Variants in ARL15 observed in about 807,000 individuals in gnomAD.
ARL15 encodes the protein ARF like GTPase 15, also known as ADP-ribosylation factor-like protein 15.
Under a neutral mutation model 25.2 loss-of-function variants are expected in ARL15, and 19 were observed. That is an observed-to-expected ratio of 0.75 (90% CI 0.53 to 1.10). The LOEUF (loss-of-function observed/expected upper bound fraction) is 1.10. ARL15 is among the 50% of genes least tolerant of loss of function. ARL15 has a pLI of 0.00. For synonymous variants in ARL15, 94 were observed against 86.8 expected (o/e 1.08, Z -0.46); for missense variants, 220 against 246.0 (o/e 0.89, Z 0.71).
At chr5:54,211,899 C>G (rs1161578025) in intron 1 of ARL15, among the ~76,000 whole-genome samples, 2 of 152,158 alleles carry the variant, frequency 1.3e-5, no homozygotes, top group African/African-American at 4.8e-5. Context: ...AGCACACCTA[C>G]TTAACCAGAA....
intron 4 of ARL15, among the ~76,000 whole-genome samples, chr5:53,891,671 C>A (rs1182559987): frequency 6.6e-6 from 1 of 152,212 alleles, no homozygotes; most frequent in Non-Finnish European, 1.5e-5. Context: ...TCACCCACTA[C>A]ACACAATGCC....
chr5:54,112,447 G>A (rs1212535662), intron 4 of ARL15, among the ~76,000 whole-genome samples: 1 of 152,132 alleles, frequency 6.6e-6, no homozygotes, highest in Non-Finnish European at 1.5e-5. Context: ...ATTTTCTGAA[G>A]GAGAGGGGAA....
intron 4 of ARL15, among the ~76,000 whole-genome samples, chr5:54,111,702 TAC>T (rs1752747351): frequency 1.3e-5 from 2 of 152,156 alleles, no homozygotes; most frequent in Non-Finnish European, 1.5e-5. Context: ...ATATATTACA[TAC>T]ACACATTATA....
chr5:54,144,205 T>G (rs1169311143), intron 3 of ARL15, among the ~76,000 whole-genome samples: 1 of 151,876 alleles, frequency 6.6e-6, no homozygotes, highest in East Asian at 1.9e-4. Flanking sequence ...ATCTAAATAT[T>G]TTTTTTTCAT....
Position 54,310,463 on chromosome 5 carries a change from A to G in ARL15, c.17T>C (p.Ile6Thr). Residue 6 changes from isoleucine to threonine, a missense_variant, in exon 1 of 5, where the codon ATA (isoleucine) becomes ACA (threonine). Coordinates refer to ENST00000504924, the MANE Select transcript of ARL15 (RefSeq NM_019087.3). ...ATCCATGTACAGAAACGCCTCAGTT[A>G]TTCGGAGATCAGACATCCGGCAGCC... MSDLRITEAFLYMDYL... is the reference protein window; with the variant it reads MSDLRTTEAFLYMDYL... 1 of 1,609,480 alleles carries G rather than the reference A, an allele frequency of 6.2e-7. No homozygotes were observed. Among genetic ancestry groups the G allele is most frequent in the South Asian group, 1.1e-5 (1 of 89,814 alleles).
At chr5:54,301,238 G>A (rs571735440) in intron 1 of ARL15, among the ~76,000 whole-genome samples, 1 of 152,164 alleles carries the variant, frequency 6.6e-6, no homozygotes, top group African/African-American at 2.4e-5. Flanking sequence ...GCAGACTAAT[G>A]TCTTATTCAC....
intron 4 of ARL15, among the ~76,000 whole-genome samples, chr5:53,911,106 C>T (rs1434651485): frequency 2.0e-5 from 3 of 152,102 alleles, no homozygotes; most frequent in Non-Finnish European, 4.4e-5. Context: ...CACCAATATT[C>T]GATCATTCTT....
intron 1 of ARL15, among the ~76,000 whole-genome samples, chr5:54,252,525 C>A (rs1246918981): frequency 6.6e-6 from 1 of 152,152 alleles, no homozygotes; most frequent in Non-Finnish European, 1.5e-5. Flanking sequence ...GACAAGATTT[C>A]TCTCACCAGT....
At chr5:53,964,611 T>C (rs950749426) in intron 4 of ARL15, among the ~76,000 whole-genome samples, 7 of 152,128 alleles carry the variant, frequency 4.6e-5, no homozygotes, top group Non-Finnish European at 8.8e-5. Flanking sequence ...CCGCCCACCT[T>C]GGCCTCCCAA....
chr5:54,116,340 C>T (rs147127268), intron 3 of ARL15, among the ~76,000 whole-genome samples: 124 of 152,228 alleles, frequency 8.1e-4, no homozygotes, highest in African/African-American at 2.9e-3. Context: ...AGGATACCAA[C>T]AGCATCTGCT....
intron 1 of ARL15, among the ~76,000 whole-genome samples, chr5:54,221,230 A>G (rs1472881187): frequency 1.3e-5 from 2 of 152,204 alleles, no homozygotes; most frequent in Non-Finnish European, 1.5e-5. Flanking sequence ...TACATTTCAC[A>G]CAGGTCAGAA....
chr5:54,157,421 A>AT (rs936019833), intron 2 of ARL15, among the ~76,000 whole-genome samples: 9 of 151,714 alleles, frequency 5.9e-5, no homozygotes, highest in African/African-American at 1.5e-4. Flanking sequence ...TTATTATTTT[A>AT]TTTTTTTTGA....
intron 4 of ARL15, among the ~76,000 whole-genome samples, chr5:53,977,354 CAAA>C (rs397884651): frequency 0.045 from 4,031 of 90,170 alleles, 65 homozygotes; most frequent in Non-Finnish European, 0.07. Context: ...GACTCCGCCT[CAAA>C]AAAAAAAAAA....
chr5:54,169,339 A>T (rs1754659231), intron 2 of ARL15, among the ~76,000 whole-genome samples: 1 of 152,204 alleles, frequency 6.6e-6, no homozygotes, highest in Non-Finnish European at 1.5e-5. Context: ...TTCATTGCAC[A>T]TTACTCAAAA....
chr5:53,936,078 A>G (rs1379466599), intron 4 of ARL15, among the ~76,000 whole-genome samples: 1 of 146,472 alleles, frequency 6.8e-6, no homozygotes, highest in Non-Finnish European at 1.5e-5. Context: ...TCAGAGAAGA[A>G]AAAGGAAAAA....
intron 4 of ARL15, among the ~76,000 whole-genome samples, chr5:53,998,189 T>C (rs1268810513): frequency 2.6e-5 from 4 of 151,974 alleles, no homozygotes; most frequent in Non-Finnish European, 5.9e-5. Context: ...AACCAGATTT[T>C]TGTGAGGGGG....
intron 4 of ARL15, among the ~76,000 whole-genome samples, chr5:53,920,075 C>T (rs1489140384): frequency 6.6e-6 from 1 of 152,114 alleles, no homozygotes; most frequent in Non-Finnish European, 1.5e-5. Flanking sequence ...AAATTTATAA[C>T]TACTTAATAG....
chr5:53,921,565 G>A (rs1013161559), intron 4 of ARL15, among the ~76,000 whole-genome samples: 5 of 152,184 alleles, frequency 3.3e-5, no homozygotes, highest in Admixed American at 3.3e-4. Context: ...TTGAGGTCAG[G>A]AGTTCAAGAC....
chr5:53,943,091 T>C (rs1420176963), intron 4 of ARL15, among the ~76,000 whole-genome samples: 4 of 152,018 alleles, frequency 2.6e-5, no homozygotes, highest in African/African-American at 9.7e-5. Context: ...AGAAACTTGC[T>C]GGAGGAGGGC....
Sources: allele counts gnomAD v4.1 joint callset (sites outside exome capture counted in the v4.1 genomes callset), GRCh38; gene constraint gnomAD v4.1.1; transcripts MANE v1.5; gene names NCBI Gene and HGNC (gene_info 2026-07-23, HGNC 2026-07-21).